GRM1: variants seen among roughly 807,000 people sequenced by gnomAD.
GRM1 encodes glutamate metabotropic receptor 1, also known as metabotropic glutamate receptor 1.
Under a neutral mutation model 90.9 loss-of-function variants are expected in GRM1, and 33 were observed. The observed-to-expected ratio is 0.36, with a 90% confidence interval of 0.28 to 0.49. The LOEUF (loss-of-function observed/expected upper bound fraction) is 0.49. Among genes scored for constraint, GRM1 ranks in the 20% least tolerant of loss-of-function variants. The pLI is 0.99. For missense variants in GRM1, 1,190 were observed against 1,534.3 expected (o/e 0.78, Z 3.75); for synonymous variants, 700 against 613.2 (o/e 1.14, Z -2.09).
At chr6:146,237,188 TA>T (rs1388479737) in intron 2 of GRM1, among the ~76,000 whole-genome samples, 1 of 152,098 alleles carries the variant, frequency 6.6e-6, no homozygotes, top group Admixed American at 6.6e-5. Context: ...TTTTCCTATA[TA>T]TTTTTTTAAA....
chr6:146,275,236 A>T (rs916128025), intron 2 of GRM1, among the ~76,000 whole-genome samples: 7 of 152,154 alleles, frequency 4.6e-5, no homozygotes, highest in African/African-American at 1.4e-4. Flanking sequence ...GAGGTGGGAG[A>T]TGTCACCACA....
chr6:146,359,452 T>C (rs1288916703), intron 5 of GRM1, among the ~76,000 whole-genome samples: 1 of 152,220 alleles, frequency 6.6e-6, no homozygotes, highest in East Asian at 1.9e-4. Context: ...GGGTGTAGCA[T>C]TGAGTCTATT....
chr6:146,290,173 C>T (rs142746358), intron 2 of GRM1, among the ~76,000 whole-genome samples: 39 of 152,194 alleles, frequency 2.6e-4, no homozygotes, highest in South Asian at 1.2e-3. Context: ...TAAGTGTATT[C>T]GGTCATACAA....
At chr6:146,413,217 T>C (rs1406958708) in intron 7 of GRM1, among the ~76,000 whole-genome samples, 1 of 152,188 alleles carries the variant, frequency 6.6e-6, no homozygotes, top group African/African-American at 2.4e-5. Context: ...TTACCTTTAG[T>C]ATAAAAGCTT....
chr6:146,384,156 G>C (rs1244010164), intron 5 of GRM1, among the ~76,000 whole-genome samples: 1 of 152,132 alleles, frequency 6.6e-6, no homozygotes, highest in Admixed American at 6.6e-5. Context: ...GTAGTGCAAA[G>C]TATGGAAGAA....
intron 2 of GRM1, among the ~76,000 whole-genome samples, chr6:146,254,961 G>A (rs1165771239): frequency 6.6e-6 from 1 of 152,146 alleles, no homozygotes; most frequent in African/African-American, 2.4e-5. Context: ...GAAGAATAGA[G>A]TTGTATCAAT....
Position 146,357,631 on chromosome 6 carries a change from G to C in GRM1, c.1539G>C (p.Gln513His). Residue 513 changes from glutamine to histidine, a missense_variant, in exon 5 of 8, where the codon CAG becomes CAC. Around this residue, in one of 10 missense-constraint regions of GRM1, gnomAD observed 414 missense variants for 598.4 expected, o/e 0.69. Transcript: ENST00000282753. Reference protein sequence around the residue: ...GVLNIDDYKIQMNKSGVVRSV... With the variant: ...GVLNIDDYKIHMNKSGVVRSV... The stretch of plus-strand genomic sequence containing the variant: ...TGAACATTGATGATTACAAAATCCA[G>C]ATGAACAAGAGTGGAGTGGTGCGGT... 6.2e-7 allele frequency: 1 copy of C among 1,614,098 alleles called. No individual in the cohort carries two copies. Among genetic ancestry groups the C allele is most frequent in the Non-Finnish European group, 8.5e-7 (1 of 1,179,956 alleles).
At chr6:146,041,719 C>A (rs1791114767) in intron 1 of GRM1, among the ~76,000 whole-genome samples, 1 of 151,996 alleles carries the variant, frequency 6.6e-6, no homozygotes, top group African/African-American at 2.4e-5. Context: ...AGGATCTTCA[C>A]AGCCTCAGCT....
At chr6:146,374,497 C>T (rs1376687287) in intron 5 of GRM1, among the ~76,000 whole-genome samples, 3 of 152,054 alleles carry the variant, frequency 2.0e-5, no homozygotes, top group Admixed American at 2.0e-4. Context: ...AAACAGGTCC[C>T]TGGCTTTTAT....
intron 2 of GRM1, among the ~76,000 whole-genome samples, chr6:146,222,992 C>A (rs1302323713): frequency 2.6e-5 from 4 of 151,752 alleles, no homozygotes; most frequent in Admixed American, 2.6e-4. Context: ...TAGGAAAGAT[C>A]AGAAGAAGTA....
At chr6:146,361,076 A>T (rs1418013622) in intron 5 of GRM1, among the ~76,000 whole-genome samples, 2 of 152,172 alleles carry the variant, frequency 1.3e-5, no homozygotes, top group African/African-American at 2.4e-5. Flanking sequence ...GCAGCTACTG[A>T]GGAAGCCAGA....
chr6:146,182,345 C>T (rs527343737), intron 2 of GRM1, among the ~76,000 whole-genome samples: 29 of 152,192 alleles, frequency 1.9e-4, no homozygotes, highest in East Asian at 1.2e-3. Context: ...GAATTCTAAA[C>T]GACAGGTGGA....
chr6:146,028,081 G>A (rs1790556532), upstream of GRM1, among the ~76,000 whole-genome samples: 2 of 152,166 alleles, frequency 1.3e-5, no homozygotes, highest in Admixed American at 1.3e-4. Flanking sequence ...GAGCAGGGGA[G>A]GAACGGGAGA....
chr6:146,106,956 CT>C (rs1775327899), intron 1 of GRM1, among the ~76,000 whole-genome samples: 1 of 152,192 alleles, frequency 6.6e-6, no homozygotes. Flanking sequence ...TGATTCTGTA[CT>C]TCCAAGAGTA....
intron 2 of GRM1, among the ~76,000 whole-genome samples, chr6:146,244,288 A>G (rs1050004856): frequency 6.6e-6 from 1 of 152,204 alleles, no homozygotes; most frequent in African/African-American, 2.4e-5. Context: ...TTCACAATTT[A>G]TGTTCAGAGA....
chr6:146,344,129 G>A (rs139779008), intron 3 of GRM1, among the ~76,000 whole-genome samples: 1 of 152,080 alleles, frequency 6.6e-6, no homozygotes, highest in African/African-American at 2.4e-5. Context: ...GTTTATTCTA[G>A]CTTTCTCCTT....
chr6:146,136,775 T>A (rs903597077), intron 1 of GRM1, among the ~76,000 whole-genome samples: 3 of 151,872 alleles, frequency 2.0e-5, no homozygotes, highest in Admixed American at 6.6e-5. Flanking sequence ...ACTATTTATA[T>A]ATGCCAACAG....
At chr6:146,123,663 T>C (rs1776088805) in intron 1 of GRM1, among the ~76,000 whole-genome samples, 1 of 152,228 alleles carries the variant, frequency 6.6e-6, no homozygotes, top group Admixed American at 6.5e-5. Context: ...CTTGGTGTTC[T>C]TCATGAATTC....
intron 1 of GRM1, among the ~76,000 whole-genome samples, chr6:146,145,075 C>T (rs1199185584): frequency 6.6e-6 from 1 of 152,146 alleles, no homozygotes; most frequent in African/African-American, 2.4e-5. Flanking sequence ...ACGGAAGAAG[C>T]TGCATGGTTG....
Sources: allele counts gnomAD v4.1 joint callset (sites outside exome capture counted in the v4.1 genomes callset), GRCh38; gene constraint gnomAD v4.1.1; regional missense constraint gnomAD v4.1.1; transcripts MANE v1.5; gene names NCBI Gene and HGNC (gene_info 2026-07-23, HGNC 2026-07-21).